Variants in PCDHGA9 observed in about 807,000 individuals in gnomAD.
PCDHGA9 encodes protocadherin gamma subfamily A, 9, also known as protocadherin gamma-A9.
A neutral mutation model predicts 62.5 loss-of-function variants in PCDHGA9; 37 were observed. That is an observed-to-expected ratio of 0.59 (90% CI 0.46 to 0.78). The LOEUF is 0.78. Among genes scored for constraint, PCDHGA9 ranks in the 30% least tolerant of loss-of-function variants. The pLI, the probability that PCDHGA9 is intolerant of heterozygous loss-of-function variation, is 0.00. For missense variants in PCDHGA9, 1,138 were observed against 1,166.2 expected, an observed-to-expected ratio of 0.98 and a Z score of 0.35; for synonymous variants, 459 against 484.6, an observed-to-expected ratio of 0.95 and a Z score of 0.69.
chr5:141,486,659 G>A lies in PCDHGA9; in HGVS notation c.2425-8148G>A, dbSNP rs758578821. The stretch of plus-strand genomic sequence containing the variant: ...TGCGCTTATCTCCTACTCACTCCTG[G>A]AGCCCAGGAATCGAGATGTATCAGC... On this transcript the variant is annotated intron_variant, in intron 1 of 3. Transcript: ENST00000573521. This position sits in a 1 kb window ranked among gnomAD's most constrained non-coding sequence, Gnocchi z 5.0. 5.0e-6 allele frequency: 8 copies of A among 1,613,944 alleles called. No homozygotes were observed. Among genetic ancestry groups the A allele is most frequent in the Middle Eastern group, 1.6e-4 (1 of 6,062 alleles).
chr5:141,427,899 G>A, intron 1 of PCDHGA9: 1 of 1,571,372 alleles, frequency 6.4e-7, no homozygotes, highest in Non-Finnish European at 8.7e-7. Flanking sequence ...GGGCTCGCCC[G>A]CGCTCAGCGC....
At chr5:141,414,400 G>C (rs768269499) in intron 1 of PCDHGA9, 1 of 1,613,878 alleles carries the variant, frequency 6.2e-7, no homozygotes, top group Admixed American at 1.7e-5. Context: ...TTACAGATTG[G>C]TGATACACAG....
chr5:141,431,553 A>T lies in PCDHGA9; in HGVS notation c.2424+26177A>T, dbSNP rs762863300. On this transcript the variant is annotated intron_variant, in intron 1 of 3. Coordinates refer to ENST00000573521, the MANE Select transcript of PCDHGA9 (RefSeq NM_018921.3). The surrounding 1 kb of genome is among the most constrained non-coding windows in gnomAD (Gnocchi z 4.8). Reference sequence around the variant, plus strand: ...TTGGGCACGCAGCTGCTTGTAGTCAACGCTACCGACCCTGACGAAGGAGTC... The same window carrying T: ...TTGGGCACGCAGCTGCTTGTAGTCATCGCTACCGACCCTGACGAAGGAGTC... The T allele has an allele frequency of 1.1e-5, 18 of 1,613,994 alleles. 1 individual carries two copies. Among genetic ancestry groups the T allele is most frequent in the Non-Finnish European group, 3.4e-6 (4 of 1,180,028 alleles).
intron 1 of PCDHGA9, chr5:141,419,629 G>T: frequency 6.2e-7 from 1 of 1,612,444 alleles, no homozygotes; most frequent in Non-Finnish European, 8.5e-7. Context: ...TGGTGACCAA[G>T]GTGGTGGCCG....
At chr5:141,428,066 A>T in intron 1 of PCDHGA9, 2 of 1,609,118 alleles carry the variant, frequency 1.2e-6, no homozygotes, top group Non-Finnish European at 1.7e-6. Context: ...CGGTGGACGC[A>T]GATTCGGGAC....
At chr5:141,501,147 G>A (rs1166199034) in intron 2 of PCDHGA9, among the ~76,000 whole-genome samples, 1 of 152,142 alleles carries the variant, frequency 6.6e-6, no homozygotes, top group Non-Finnish European at 1.5e-5. Context: ...GATTACAGGT[G>A]GGAGCCACCA....
chr5:141,407,047 T>C (rs75652968), intron 1 of PCDHGA9, among the ~76,000 whole-genome samples: 6,428 of 152,316 alleles, frequency 0.042, 220 homozygotes, highest in African/African-American at 0.092. Flanking sequence ...GATCCATAGA[T>C]ACACTGATGA....
rs1421670958 is a variant in PCDHGA9, at chr5:141,432,558, A to C, written c.2424+27182A>C. ...GTGGCGGTGGACAGAGACTCCGGCC[A>C]GAACGCCTGGCTGTCCTACCGTCTG... On this transcript the variant is annotated intron_variant, in intron 1 of 3. Transcript: ENST00000573521. This position sits in a 1 kb window ranked among gnomAD's most constrained non-coding sequence, Gnocchi z 6.0. The C allele has an allele frequency of 1.9e-6, 3 of 1,613,756 alleles. No individual in the cohort carries two copies. The highest frequency in any genetic ancestry group is 2.2e-5 in the South Asian group (2 of 91,060).
chr5:141,405,431 T>TGTTTTTGA (rs1428153443), intron 1 of PCDHGA9, 55 bp downstream of exon 1: 4 of 1,490,528 alleles, frequency 2.7e-6, no homozygotes, highest in Non-Finnish European at 2.7e-6. Flanking sequence ...TGTTTTGTTT[T>TGTTTTTGA]GTTTTTGAGA....
chr5:141,462,462 T>G (rs570804965), intron 1 of PCDHGA9, among the ~76,000 whole-genome samples: 1 of 152,346 alleles, frequency 6.6e-6, no homozygotes, highest in Middle Eastern at 3.4e-3. Flanking sequence ...CTGAAAACTG[T>G]GTATTCTGCT....
intron 1 of PCDHGA9, among the ~76,000 whole-genome samples, chr5:141,433,664 C>G (rs1027404017): frequency 6.6e-6 from 1 of 151,966 alleles, no homozygotes; most frequent in South Asian, 2.1e-4. Flanking sequence ...GGAGAAACCC[C>G]GTCTATACTA....
chr5:141,451,237 A>G (rs1405567593), intron 1 of PCDHGA9, among the ~76,000 whole-genome samples: 1 of 152,198 alleles, frequency 6.6e-6, no homozygotes, highest in Non-Finnish European at 1.5e-5. Context: ...TTATTATCTC[A>G]TAAATTTTGT....
At chr5:141,442,294 C>A (rs1194203452) in intron 1 of PCDHGA9, 1 of 152,584 alleles carries the variant, frequency 6.6e-6, no homozygotes, top group Admixed American at 6.5e-5. Context: ...ATGATCCTGT[C>A]TGAGTCTTTC....
At chr5:141,407,961 A>C in intron 1 of PCDHGA9, 1 of 672,320 alleles carries the variant, frequency 1.5e-6, no homozygotes, top group Non-Finnish European at 2.4e-6. Context: ...AGTGCAGAGC[A>C]AGCGCTGACG....
rs773624580 is a variant in PCDHGA9 at position 141,489,715 on chromosome 5, G to A, written c.2425-5092G>A. On this transcript the variant is annotated intron_variant, in intron 1 of 3. Transcript: ENST00000573521. The surrounding 1 kb of genome is among the most constrained non-coding windows in gnomAD (Gnocchi z 4.5). ...ACGATTCCCACTGGACAGTGCCCAG[G>A]ATCCGGATGTGGGCACCAATACTGT... The A allele has an allele frequency of 6.2e-6, 10 of 1,614,004 alleles. No homozygotes were observed. The highest frequency in any genetic ancestry group is 2.2e-5 in the East Asian group (1 of 44,886).
intron 2 of PCDHGA9, among the ~76,000 whole-genome samples, chr5:141,497,248 G>A (rs1442942520): frequency 6.6e-6 from 1 of 152,128 alleles, no homozygotes; most frequent in African/African-American, 2.4e-5. Context: ...AGGAGGAGGT[G>A]ACATTGAGAA....
At chr5:141,409,587 C>G (rs13184186) in intron 1 of PCDHGA9, 1 of 1,613,902 alleles carries the variant, frequency 6.2e-7, no homozygotes, top group Non-Finnish European at 8.5e-7. Context: ...GTCCACGTGG[C>G]CGAGAACAAC....
Position 141,405,118 on chromosome 5 carries a change from G to C in PCDHGA9, c.2166G>C (p.Ser722=), listed in dbSNP as rs368800698. ...LALRLRHWHS[S]HLLRATSDGL... is the part of the protein sequence containing the mutation. The stretch of plus-strand genomic sequence containing the variant: ...TCAGGCTGAGGCACTGGCACTCCTC[G>C]CATCTGCTGCGGGCTACCAGTGATG... The change falls in exon 1 of 4, where the codon TCG becomes TCC. Residue 722 remains serine (S), a synonymous_variant. Transcript: ENST00000573521. The C allele has an allele frequency of 1.2e-6, 2 of 1,613,946 alleles. No homozygotes were observed. Among genetic ancestry groups the C allele is most frequent in the Non-Finnish European group, 8.5e-7 (1 of 1,179,876 alleles).
intron 1 of PCDHGA9, chr5:141,423,413 C>T (rs757696505): frequency 2.5e-6 from 4 of 1,614,022 alleles, no homozygotes; most frequent in South Asian, 2.2e-5. Flanking sequence ...CTGCAGGCTT[C>T]TGAAGGCGGG....
Sources: allele counts gnomAD v4.1 joint callset (sites outside exome capture counted in the v4.1 genomes callset), GRCh38; gene constraint gnomAD v4.1.1; non-coding constraint Gnocchi (gnomAD v3.1); transcripts MANE v1.5; gene names NCBI Gene and HGNC (gene_info 2026-07-23, HGNC 2026-07-21).